The following HDAC9 variants were observed in gnomAD, a reference collection of about 807,000 sequenced individuals.
HDAC9 encodes histone deacetylase 9, also known as MEF-2 interacting transcription repressor (MITR) protein.
Under a neutral mutation model 139.4 loss-of-function variants are expected in HDAC9, and 41 were observed. The observed-to-expected ratio is 0.29, with a 90% CI of 0.23 to 0.38. The LOEUF is 0.38. HDAC9 is among the 10% of genes least tolerant of loss of function. HDAC9 has a pLI of 1.00. For synonymous variants in HDAC9, 517 were observed against 476.2 expected (o/e 1.09, Z -1.12); for missense variants, 1,147 against 1,297.0 (o/e 0.88, Z 1.78).
At chr7:18,520,783 G>A (rs1359840427) in intron 2 of HDAC9, among the ~76,000 whole-genome samples, 1 of 152,120 alleles carries the variant, frequency 6.6e-6, no homozygotes, top group African/African-American at 2.4e-5. Context: ...CAAGCAAGAG[G>A]GTTTATGAAA....
chr7:18,816,643 A>C (rs1562961198), intron 17 of HDAC9, among the ~76,000 whole-genome samples: 1 of 152,218 alleles, frequency 6.6e-6, no homozygotes, highest in Non-Finnish European at 1.5e-5. Flanking sequence ...CTCTGCTCCT[A>C]AATTGGTTTC....
At chr7:18,884,171 AT>A (rs2129259864) in intron 22 of HDAC9, among the ~76,000 whole-genome samples, 1 of 152,276 alleles carries the variant, frequency 6.6e-6, no homozygotes, top group East Asian at 1.9e-4. Context: ...TCCCAATGAC[AT>A]TTTTCACAGA....
chr7:18,429,570 T>G (rs112199286), intron 1 of HDAC9, among the ~76,000 whole-genome samples: 14 of 152,232 alleles, frequency 9.2e-5, no homozygotes, highest in African/African-American at 3.4e-4. Context: ...TGTGTCTGTG[T>G]GTGTGTGTGT....
chr7:18,443,096 C>G (rs574086463), intron 1 of HDAC9, among the ~76,000 whole-genome samples: 6 of 152,308 alleles, frequency 3.9e-5, no homozygotes, highest in African/African-American at 1.4e-4. Flanking sequence ...TACAAATCCA[C>G]TTCCACTGAA....
chr7:18,099,369 G>T (rs1562617724), intron 1 of HDAC9, among the ~76,000 whole-genome samples: 1 of 152,090 alleles, frequency 6.6e-6, no homozygotes, highest in Non-Finnish European at 1.5e-5. Flanking sequence ...TTGGGAGGCT[G>T]AGGCAGGAGA....
At chr7:18,909,024 G>A (rs1176703473) in intron 22 of HDAC9, among the ~76,000 whole-genome samples, 2 of 152,000 alleles carry the variant, frequency 1.3e-5, no homozygotes, top group Non-Finnish European at 2.9e-5. Flanking sequence ...GTGTATAAGA[G>A]TTCATTTTTC....
intron 9 of HDAC9, among the ~76,000 whole-genome samples, chr7:18,647,070 T>G (rs1787648318): frequency 6.6e-6 from 1 of 152,158 alleles, no homozygotes; most frequent in African/African-American, 2.4e-5. Context: ...TTAGAAGCCA[T>G]GTAGAGAAAG....
chr7:18,519,461 G>A (rs1804295284), intron 2 of HDAC9, among the ~76,000 whole-genome samples: 1 of 152,108 alleles, frequency 6.6e-6, no homozygotes, highest in South Asian at 2.1e-4. Context: ...CAAAGGCTAT[G>A]AATAAGACAT....
At chr7:18,575,020 C>A (rs923049255) in intron 2 of HDAC9, among the ~76,000 whole-genome samples, 1 of 152,260 alleles carries the variant, frequency 6.6e-6, no homozygotes, top group African/African-American at 2.4e-5. Flanking sequence ...ATGGAGTGGG[C>A]AGCCCCCGCC....
intron 19 of HDAC9, among the ~76,000 whole-genome samples, chr7:18,833,915 C>A (rs1426822659): frequency 2.0e-5 from 3 of 152,180 alleles, no homozygotes; most frequent in Non-Finnish European, 4.4e-5. Context: ...TCATATAAGT[C>A]TCCTATGGAG....
At chr7:18,603,498 A>G (rs902094395) in intron 6 of HDAC9, among the ~76,000 whole-genome samples, 1 of 152,044 alleles carries the variant, frequency 6.6e-6, no homozygotes, top group African/African-American at 2.4e-5. Flanking sequence ...AGTTTGATGA[A>G]TCCATTTATA....
chr7:18,397,518 C>A (rs1478948972), intron 1 of HDAC9, among the ~76,000 whole-genome samples: 2 of 152,114 alleles, frequency 1.3e-5, no homozygotes, highest in Non-Finnish European at 2.9e-5. Context: ...AATGTAATCA[C>A]CCCTACCTCC....
intron 22 of HDAC9, among the ~76,000 whole-genome samples, chr7:18,927,550 A>G (rs1427527655): frequency 2.0e-5 from 3 of 152,216 alleles, no homozygotes; most frequent in Admixed American, 6.5e-5. Context: ...CTTTTTGGAT[A>G]TAACTACAGA....
chr7:18,796,349 G>T (rs2129181231), intron 17 of HDAC9, among the ~76,000 whole-genome samples: 1 of 152,294 alleles, frequency 6.6e-6, no homozygotes, highest in South Asian at 2.1e-4. Context: ...CCTAACTTTT[G>T]ATAGGTCCTT....
chr7:18,317,382 T>G (rs1443920727), intron 1 of HDAC9, among the ~76,000 whole-genome samples: 1 of 152,120 alleles, frequency 6.6e-6, no homozygotes, highest in African/African-American at 2.4e-5. Context: ...AAAAGTGAAT[T>G]TATTATCTTG....
chr7:18,155,955 C>T (rs1359531177), intron 1 of HDAC9, among the ~76,000 whole-genome samples: 3 of 152,180 alleles, frequency 2.0e-5, no homozygotes, highest in Non-Finnish European at 4.4e-5. Flanking sequence ...TGCTTGTGCC[C>T]ATCAGCTTCC....
intron 2 of HDAC9, among the ~76,000 whole-genome samples, chr7:18,183,975 T>C (rs1393016426): frequency 6.6e-6 from 1 of 152,264 alleles, no homozygotes; most frequent in African/African-American, 2.4e-5. Context: ...ACTATTGCCT[T>C]TAAAATATAT....
intron 1 of HDAC9, among the ~76,000 whole-genome samples, chr7:18,355,447 A>G (rs1400005932): frequency 1.3e-5 from 2 of 152,334 alleles, no homozygotes; most frequent in South Asian, 2.1e-4. Flanking sequence ...AAAGAAGTGA[A>G]TAATTTAGGA....
intron 1 of HDAC9, among the ~76,000 whole-genome samples, chr7:18,114,010 GC>G (rs1371495935): frequency 6.6e-6 from 1 of 152,106 alleles, no homozygotes; most frequent in Non-Finnish European, 1.5e-5. Context: ...CCCTCACCTT[GC>G]AGTCTAACAG....
Sources: gnomAD v4.1 joint callset for allele counts (sites outside exome capture counted in the v4.1 genomes callset) on GRCh38, gnomAD v4.1.1 for gene constraint, MANE v1.5 for transcripts, NCBI Gene and HGNC (gene_info 2026-07-23, HGNC 2026-07-21) for gene names.